KHDRBS2: variants seen among roughly 807,000 people sequenced by gnomAD.
KHDRBS2 encodes the protein KH RNA binding domain containing, signal transduction associated 2, also known as KH domain-containing, RNA-binding, signal transduction-associated protein 2.
KHDRBS2 carries 26 observed loss-of-function variants against 44.3 expected under a neutral mutation model. That is an observed-to-expected ratio of 0.59 (90% confidence interval 0.43 to 0.81). The LOEUF (loss-of-function observed/expected upper bound fraction) is 0.81. KHDRBS2 is among the 40% of genes least tolerant of loss of function. The pLI is 0.00. For missense variants in KHDRBS2, 476 were observed against 433.1 expected (o/e 1.10, Z -0.88); for synonymous variants, 194 against 151.1 (o/e 1.28, Z -2.08).
intron 1 of KHDRBS2, among the ~76,000 whole-genome samples, chr6:62,198,559 G>A (rs1436119773): frequency 6.6e-6 from 1 of 152,084 alleles, no homozygotes; most frequent in Admixed American, 6.6e-5. Flanking sequence ...CTCTTGAATA[G>A]ACCAATAAAG....
intron 6 of KHDRBS2, among the ~76,000 whole-genome samples, chr6:61,744,634 T>C (rs1434436442): frequency 1.3e-5 from 2 of 152,262 alleles, no homozygotes; most frequent in East Asian, 3.9e-4. Context: ...ATGGTTATAC[T>C]GTTTCCTTGT....
At chr6:61,966,130 G>T (rs1489232236) in intron 4 of KHDRBS2, among the ~76,000 whole-genome samples, 5 of 151,916 alleles carry the variant, frequency 3.3e-5, no homozygotes, top group Admixed American at 3.3e-4. Flanking sequence ...CATAGAATTT[G>T]TTTTACGCTT....
the KHDRBS2 span, among the ~76,000 whole-genome samples, chr6:61,577,805 C>T: frequency 6.6e-6 from 1 of 152,066 alleles, no homozygotes; most frequent in Non-Finnish European, 1.5e-5. Context: ...TAAAATACTA[C>T]AGTCATTTTG....
chr6:62,088,447 C>T (rs2127361177), intron 2 of KHDRBS2, among the ~76,000 whole-genome samples: 1 of 152,262 alleles, frequency 6.6e-6, no homozygotes, highest in East Asian at 1.9e-4. Context: ...TTCCTTCTAA[C>T]AGTCAGGCCC....
At chr6:61,652,757 G>T in the KHDRBS2 span, among the ~76,000 whole-genome samples, 1 of 152,016 alleles carries the variant, frequency 6.6e-6, no homozygotes, top group African/African-American at 2.4e-5. Context: ...CTGTGTGGGT[G>T]ACCAAAATGC....
At chr6:61,616,006 G>A in the KHDRBS2 span, among the ~76,000 whole-genome samples, 1 of 152,144 alleles carries the variant, frequency 6.6e-6, no homozygotes, top group Non-Finnish European at 1.5e-5. Context: ...AATGATACCA[G>A]TCATTTTTTC....
intron 4 of KHDRBS2, among the ~76,000 whole-genome samples, chr6:61,961,994 A>G (rs1230044532): frequency 6.6e-6 from 1 of 152,088 alleles, no homozygotes; most frequent in East Asian, 1.9e-4. Flanking sequence ...ATATATACAC[A>G]TATAATAGAG....
chr6:62,035,143 A>C (rs1324186491), intron 3 of KHDRBS2, among the ~76,000 whole-genome samples: 2 of 152,030 alleles, frequency 1.3e-5, no homozygotes, highest in African/African-American at 4.8e-5. Flanking sequence ...TGCTGGGTAC[A>C]TACCCTAACA....
the KHDRBS2 span, among the ~76,000 whole-genome samples, chr6:61,570,296 G>T: frequency 6.6e-6 from 1 of 152,014 alleles, no homozygotes; most frequent in Non-Finnish European, 1.5e-5. Flanking sequence ...TTTAGCAATA[G>T]ACTAGAACAA....
chr6:62,120,355 C>A (rs1302318677), intron 2 of KHDRBS2, among the ~76,000 whole-genome samples: 3 of 152,130 alleles, frequency 2.0e-5, no homozygotes, highest in Admixed American at 6.5e-5. Context: ...ACCAATACTT[C>A]GTGAAATAGA....
intron 6 of KHDRBS2, among the ~76,000 whole-genome samples, chr6:61,804,768 G>C (rs1786868262): frequency 6.6e-6 from 1 of 152,158 alleles, no homozygotes; most frequent in African/African-American, 2.4e-5. Flanking sequence ...CCATGGCTGG[G>C]ATGCAGGGTA....
At chr6:62,137,366 G>C (rs1811802444) in intron 2 of KHDRBS2, among the ~76,000 whole-genome samples, 2 of 151,956 alleles carry the variant, frequency 1.3e-5, no homozygotes, top group South Asian at 2.1e-4. Flanking sequence ...TAGATTTCTG[G>C]CATGTAAATA....
At chr6:61,796,415 A>T (rs926745349) in intron 6 of KHDRBS2, among the ~76,000 whole-genome samples, 2 of 152,016 alleles carry the variant, frequency 1.3e-5, no homozygotes, top group African/African-American at 4.8e-5. Flanking sequence ...TGATGTACTT[A>T]TTCAAAAATA....
intron 2 of KHDRBS2, among the ~76,000 whole-genome samples, chr6:62,167,533 G>T (rs541205089): frequency 1.3e-5 from 2 of 152,116 alleles, no homozygotes; most frequent in South Asian, 4.2e-4. Context: ...AGAGAATATG[G>T]TCTACAGCAA....
chr6:62,160,027 GTATT>G (rs1441964795), intron 2 of KHDRBS2, among the ~76,000 whole-genome samples: 1 of 152,084 alleles, frequency 6.6e-6, no homozygotes, highest in Non-Finnish European at 1.5e-5. Flanking sequence ...CTTTCATAAA[GTATT>G]TATTGAGCAC....
At chr6:61,686,715 A>G (rs1766852195) in intron 8 of KHDRBS2, among the ~76,000 whole-genome samples, 2 of 151,580 alleles carry the variant, frequency 1.3e-5, no homozygotes, top group Non-Finnish European at 3.0e-5. Context: ...CAGAAAGTTT[A>G]GTTGTTGGGA....
intron 2 of KHDRBS2, among the ~76,000 whole-genome samples, chr6:62,061,040 A>G (rs1791711039): frequency 6.6e-6 from 1 of 151,836 alleles, no homozygotes; most frequent in African/African-American, 2.4e-5. Context: ...ATCTTCCTCC[A>G]TCCTTTTATT....
chr6:61,790,999 T>C (rs1241587343), intron 6 of KHDRBS2, among the ~76,000 whole-genome samples: 6 of 151,512 alleles, frequency 4.0e-5, no homozygotes, highest in South Asian at 4.1e-4. Flanking sequence ...TGTCATGTTA[T>C]ATTATTCTGG....
At chr6:61,989,606 T>C (rs1450285804) in intron 3 of KHDRBS2, among the ~76,000 whole-genome samples, 1 of 152,196 alleles carries the variant, frequency 6.6e-6, no homozygotes, top group Non-Finnish European at 1.5e-5. Context: ...TCTTAGTAGA[T>C]TGCCTGTGAT....
Sources: gnomAD v4.1 joint callset for allele counts (sites outside exome capture counted in the v4.1 genomes callset) on GRCh38, gnomAD v4.1.1 for gene constraint, MANE v1.5 for transcripts, NCBI Gene and HGNC (gene_info 2026-07-23, HGNC 2026-07-21) for gene names.